Variants in MYT1L observed in about 807,000 individuals in gnomAD.
MYT1L encodes the protein myelin transcription factor 1 like.
MYT1L carries 12 observed loss-of-function variants against 126.7 expected under a neutral mutation model. That is an observed-to-expected ratio of 0.09 (90% CI 0.06 to 0.15). The LOEUF is 0.15. Among genes scored for constraint, MYT1L ranks in the 10% least tolerant of loss-of-function variants. The probability of loss-of-function intolerance (pLI) is 1.00; values close to 1 mark genes in which losing one functional copy is unlikely to be tolerated. For synonymous variants in MYT1L, 541 were observed against 604.2 expected, an observed-to-expected ratio of 0.90 and a Z score of 1.53; for missense variants, 979 against 1,585.2, an observed-to-expected ratio of 0.62 and a Z score of 6.49.
intron 2 of MYT1L, among the ~76,000 whole-genome samples, chr2:2,266,335 G>C (rs1318992710): frequency 6.6e-6 from 1 of 152,178 alleles, no homozygotes; most frequent in Non-Finnish European, 1.5e-5. Context: ...GAAACTGATG[G>C]AATTTGCATC....
chr2:2,132,132 C>T (rs1002131593), intron 3 of MYT1L, among the ~76,000 whole-genome samples: 2 of 151,064 alleles, frequency 1.3e-5, no homozygotes, highest in African/African-American at 4.9e-5. Flanking sequence ...TGGTCTCGAT[C>T]TCCTGATCTC....
intron 2 of MYT1L, among the ~76,000 whole-genome samples, chr2:2,249,974 T>C (rs2094604738): frequency 6.6e-6 from 1 of 152,022 alleles, no homozygotes; most frequent in Non-Finnish European, 1.5e-5. Context: ...CAATGAGATA[T>C]CATCTCACCC....
Position 1,792,871 on chromosome 2 carries a change from C to CAAA in MYT1L, c.3277-410_3277-408dup, listed in dbSNP as rs55682787. ...GGTGACAGACCGAGATTCCGTCTCA[C>CAAA]AAAAAAAAAAAAAAAAAGGAAAAGA... On this transcript the variant is annotated intron_variant, in intron 23 of 24. Transcript: ENST00000647738. Among the ~76,000 whole-genome samples, 47 of 76,298 alleles carry CAAA rather than the reference C, an allele frequency of 6.2e-4. 1 individual carries two copies. Among genetic ancestry groups the CAAA allele is most frequent in the East Asian group, 1.6e-3 (3 of 1,914 alleles). 50.1% of individuals were successfully genotyped at this position (76,298 alleles called of 152,430 possible).
At chr2:2,192,239 C>T (rs761068325) in intron 2 of MYT1L, among the ~76,000 whole-genome samples, 9 of 152,238 alleles carry the variant, frequency 5.9e-5, no homozygotes, top group Non-Finnish European at 1.0e-4. Flanking sequence ...CTGATGCACT[C>T]GGAGTGCAGT....
chr2:2,237,846 C>T (rs554159984), intron 2 of MYT1L, among the ~76,000 whole-genome samples: 1 of 152,246 alleles, frequency 6.6e-6, no homozygotes, highest in East Asian at 1.9e-4. Flanking sequence ...GCTGGGGTCT[C>T]CTGTGAAAGC....
intron 11 of MYT1L, among the ~76,000 whole-genome samples, chr2:1,913,515 T>A (rs1199713967): frequency 6.6e-6 from 1 of 152,128 alleles, no homozygotes; most frequent in Non-Finnish European, 1.5e-5. Context: ...CCAGGAAGCA[T>A]GTGCGTGGTC....
chr2:2,094,998 G>A (rs974610537), intron 3 of MYT1L, among the ~76,000 whole-genome samples: 4 of 152,208 alleles, frequency 2.6e-5, no homozygotes, highest in African/African-American at 7.2e-5. Flanking sequence ...TCCTTCAAGC[G>A]AGCCGTGTCT....
intron 2 of MYT1L, among the ~76,000 whole-genome samples, chr2:2,218,024 C>T (rs1442723410): frequency 6.6e-6 from 1 of 152,126 alleles, no homozygotes; most frequent in Non-Finnish European, 1.5e-5. Context: ...AACACGATGT[C>T]CTACTAACTG....
intron 3 of MYT1L, among the ~76,000 whole-genome samples, chr2:2,060,917 A>G (rs2070373953): frequency 6.6e-6 from 1 of 151,308 alleles, no homozygotes; most frequent in Non-Finnish European, 1.5e-5. Flanking sequence ...AGAAGACAAC[A>G]TTCCAGGCTG....
intron 18 of MYT1L, among the ~76,000 whole-genome samples, chr2:1,853,295 TG>T (rs2043509366): frequency 6.6e-6 from 1 of 152,170 alleles, no homozygotes; most frequent in Admixed American, 6.5e-5. Flanking sequence ...AAGAGGAGTT[TG>T]GGGCAGAACA....
intron 8 of MYT1L, among the ~76,000 whole-genome samples, chr2:1,966,713 G>A (rs574521021): frequency 6.6e-6 from 1 of 151,174 alleles, no homozygotes; most frequent in East Asian, 1.9e-4. Context: ...AGCCAGCCAT[G>A]AAAATTAAAA....
chr2:2,156,009 A>T (rs1481087437), intron 3 of MYT1L, among the ~76,000 whole-genome samples: 1 of 152,208 alleles, frequency 6.6e-6, no homozygotes. Context: ...ACCCATAGTG[A>T]CAAAAAATCA....
chr2:2,057,129 C>T (rs2069682698), intron 3 of MYT1L, among the ~76,000 whole-genome samples: 1 of 152,184 alleles, frequency 6.6e-6, no homozygotes, highest in Non-Finnish European at 1.5e-5. Context: ...CATATATGTG[C>T]ATGCGATTTT....
At chr2:2,002,602 A>G (rs536115825) in intron 4 of MYT1L, among the ~76,000 whole-genome samples, 2 of 152,332 alleles carry the variant, frequency 1.3e-5, no homozygotes, top group South Asian at 4.1e-4. Flanking sequence ...GGGTGTAATC[A>G]TTTGTCCTTA....
At chr2:1,839,461 AG>A in intron 20 of MYT1L, 91 bp from the exon 21 acceptor site, 1 of 1,181,294 alleles carries the variant, frequency 8.5e-7, no homozygotes, top group Non-Finnish European at 1.2e-6. Flanking sequence ...GGCATGAAGA[AG>A]AAAAAAACAA....
intron 2 of MYT1L, among the ~76,000 whole-genome samples, chr2:2,211,002 T>C (rs2093485640): frequency 6.6e-6 from 1 of 152,208 alleles, no homozygotes; most frequent in Non-Finnish European, 1.5e-5. Flanking sequence ...ATAAATAGGA[T>C]TGCTCTTTTG....
At chr2:1,841,104 A>C in intron 19 of MYT1L, 1 of 324,752 alleles carries the variant, frequency 3.1e-6, no homozygotes, top group Non-Finnish European at 5.6e-6. Flanking sequence ...ACGGGGTTTC[A>C]CCGTGTTAGC....
Position 1,943,710 on chromosome 2 carries a change from A to G in MYT1L, c.153-376T>C, listed in dbSNP as rs969949394. Among the ~76,000 whole-genome samples, 8 of 152,352 alleles carry G rather than the reference A, an allele frequency of 5.3e-5. No homozygotes were observed. Among genetic ancestry groups the G allele is most frequent in the Admixed American group, 2.0e-4 (3 of 15,312 alleles). On this transcript the variant is annotated intron_variant, in intron 8 of 24. Coordinates refer to ENST00000647738, the MANE Select transcript of MYT1L (RefSeq NM_001303052.2). This position sits in a 1 kb window ranked among gnomAD's most constrained non-coding sequence, Gnocchi z 4.4. Reference sequence around the variant, plus strand: ...ACATTTTACCAAATATATACTATGTATAATATACATCTGAAGCAAGATTTA... The same window carrying G: ...ACATTTTACCAAATATATACTATGTGTAATATACATCTGAAGCAAGATTTA...
chr2:2,183,067 G>C (rs940444543), intron 2 of MYT1L, among the ~76,000 whole-genome samples: 7 of 152,260 alleles, frequency 4.6e-5, no homozygotes, highest in African/African-American at 1.7e-4. Context: ...TATGGATGGT[G>C]AGTCACAGAG....
Sources: gnomAD v4.1 joint callset for allele counts (sites outside exome capture counted in the v4.1 genomes callset) on GRCh38, gnomAD v4.1.1 for gene constraint, Gnocchi (gnomAD v3.1) non-coding constraint, MANE v1.5 for transcripts, NCBI Gene and HGNC (gene_info 2026-07-23, HGNC 2026-07-21) for gene names.